The following GABRG3 variants were observed in gnomAD, a reference collection of about 807,000 sequenced individuals.
GABRG3 encodes gamma-aminobutyric acid type A receptor subunit gamma3, also known as gamma-aminobutyric acid receptor subunit gamma-3.
GABRG3 carries 25 observed loss-of-function variants against 48.8 expected under a neutral mutation model. The ratio of observed to expected loss-of-function variants is 0.51; its 90% CI spans 0.37 to 0.72. The LOEUF is 0.72. Ranked by LOEUF, GABRG3 falls within the 30% of genes least tolerant of loss-of-function variation. The probability of loss-of-function intolerance (pLI) is 0.00; values close to 1 mark genes in which losing one functional copy is unlikely to be tolerated. For synonymous variants in GABRG3, 227 were observed against 217.6 expected, an observed-to-expected ratio of 1.04 and a Z score of -0.38; for missense variants, 394 against 577.9, an observed-to-expected ratio of 0.68 and a Z score of 3.26.
chr15:27,272,690 G>A (rs1029929666), intron 3 of GABRG3, among the ~76,000 whole-genome samples: 28 of 152,284 alleles, frequency 1.8e-4, no homozygotes, highest in African/African-American at 6.3e-4. Context: ...ACTGGTGGGG[G>A]TGTGCTTTGC....
In GABRG3 at chr15:27,037,805, C is replaced by T. The variant is rs1278825826; in HGVS notation, c.270+10984C>T. 2.6e-5 allele frequency among the ~76,000 whole-genome samples: 4 copies of T among 152,248 alleles called. No homozygotes were observed. In the East Asian group the frequency reaches 7.7e-4, roughly 29 times the overall value. On this transcript the variant is annotated intron_variant, in intron 3 of 9. Coordinates refer to ENST00000615808, the MANE Select transcript of GABRG3 (RefSeq NM_033223.5). ...TGGTAGTTAGAAGAGAAGTGATTTC[C>T]TTGAAATGAAGGAGTCTAGAAAGGG...
intron 3 of GABRG3, among the ~76,000 whole-genome samples, chr15:27,247,794 A>T (rs930841899): frequency 6.6e-6 from 1 of 152,236 alleles, no homozygotes; most frequent in Non-Finnish European, 1.5e-5. Flanking sequence ...GTAAAACAAG[A>T]TTCCCCTTAT....
chr15:27,120,144 C>A (rs1768268131), intron 3 of GABRG3, among the ~76,000 whole-genome samples: 1 of 152,140 alleles, frequency 6.6e-6, no homozygotes, highest in Non-Finnish European at 1.5e-5. Flanking sequence ...ATTAAAACTC[C>A]ATGTGTCCCC....
At chr15:27,281,121 T>A (rs1251222534) in intron 3 of GABRG3, among the ~76,000 whole-genome samples, 1 of 152,196 alleles carries the variant, frequency 6.6e-6, no homozygotes, top group Non-Finnish European at 1.5e-5. Context: ...CTACTTTATC[T>A]TATGCTTTTC....
chr15:27,276,879 G>A (rs572433237), intron 3 of GABRG3, among the ~76,000 whole-genome samples: 1 of 152,024 alleles, frequency 6.6e-6, no homozygotes, highest in African/African-American at 2.4e-5. Context: ...GGGATCACAT[G>A]TTTTATGAGG....
At chr15:27,473,838 G>A (rs1287887337) in intron 5 of GABRG3, among the ~76,000 whole-genome samples, 3 of 152,204 alleles carry the variant, frequency 2.0e-5, no homozygotes, top group Non-Finnish European at 4.4e-5. Context: ...GTTAAAAACA[G>A]TATCCCTTCA....
At chr15:27,450,085 C>T (rs1889063007) in intron 5 of GABRG3, among the ~76,000 whole-genome samples, 1 of 152,156 alleles carries the variant, frequency 6.6e-6, no homozygotes, top group East Asian at 1.9e-4. Context: ...AGAGAAACTG[C>T]CCGCTCCACA....
intron 3 of GABRG3, among the ~76,000 whole-genome samples, chr15:27,241,783 C>T (rs892570569): frequency 4.6e-5 from 7 of 152,188 alleles, no homozygotes; most frequent in South Asian, 2.1e-4. Flanking sequence ...TTTCTTCTCA[C>T]GCTATGTCTC....
chr15:27,102,585 T>G (rs8036123), intron 3 of GABRG3, among the ~76,000 whole-genome samples: 39,589 of 152,074 alleles, frequency 0.26, 6,016 homozygotes, highest in African/African-American at 0.41. Flanking sequence ...TAAAGTCTAT[T>G]TGGTAAGTGT....
chr15:27,518,195 CAAAAAA>C (rs58222645), intron 6 of GABRG3, among the ~76,000 whole-genome samples: 4,203 of 88,086 alleles, frequency 0.048, 238 homozygotes, highest in African/African-American at 0.17. Flanking sequence ...ACTAAAAATA[CAAAAAA>C]AAAAAAAAAA....
At chr15:27,407,108 G>GT (rs1887660275) in intron 5 of GABRG3, among the ~76,000 whole-genome samples, 1 of 152,080 alleles carries the variant, frequency 6.6e-6, no homozygotes, top group Admixed American at 6.6e-5. Context: ...TGTAGTTTTA[G>GT]TAGGGACAGG....
At chr15:27,441,903 A>C (rs2140633485) in intron 5 of GABRG3, among the ~76,000 whole-genome samples, 1 of 152,284 alleles carries the variant, frequency 6.6e-6, no homozygotes, top group South Asian at 2.1e-4. Flanking sequence ...CTTCAGGATT[A>C]CTCGCACCAG....
At chr15:27,211,173 C>CA (rs745486495) in intron 3 of GABRG3, among the ~76,000 whole-genome samples, 1 of 152,164 alleles carries the variant, frequency 6.6e-6, no homozygotes, top group Non-Finnish European at 1.5e-5. Flanking sequence ...TCCTGGATCC[C>CA]ACCCAAGGCC....
In GABRG3 at chr15:27,520,769, TAA is replaced by T. The variant is rs909732318; in HGVS notation, c.865+646_865+647del. Among the ~76,000 whole-genome samples, 109 of 151,112 alleles carry T rather than the reference TAA, an allele frequency of 7.2e-4. 1 individual carries two copies. Among genetic ancestry groups the T allele is most frequent in the African/African-American group, 2.6e-3 (108 of 40,940 alleles). On this transcript the variant is annotated intron_variant, in intron 7 of 9. Transcript: ENST00000615808. Reference sequence around the variant, plus strand: ...TGATTTTTTGAAGGCAGGTAATATATAAGACTGAATATAGAGATTGTTTTCCC... The same window carrying T: ...TGATTTTTTGAAGGCAGGTAATATATGACTGAATATAGAGATTGTTTTCCC...
intron 6 of GABRG3, among the ~76,000 whole-genome samples, chr15:27,485,451 T>C (rs1890198741): frequency 6.6e-6 from 1 of 152,002 alleles, no homozygotes; most frequent in South Asian, 2.1e-4. Context: ...ATCACTGAGG[T>C]TGCACCAGGA....
At chr15:27,305,250 A>G (rs1178284632) in intron 3 of GABRG3, among the ~76,000 whole-genome samples, 1 of 151,720 alleles carries the variant, frequency 6.6e-6, no homozygotes, top group African/African-American at 2.4e-5. Context: ...GAAAACAGAA[A>G]AATTTTAAAA....
intron 6 of GABRG3, among the ~76,000 whole-genome samples, chr15:27,486,808 T>C (rs1005989625): frequency 2.6e-5 from 4 of 152,210 alleles, no homozygotes. Context: ...ATTGACTCAA[T>C]GTAGTTCCCG....
intron 3 of GABRG3, among the ~76,000 whole-genome samples, chr15:27,309,457 T>C (rs1356459042): frequency 6.6e-6 from 1 of 151,898 alleles, no homozygotes; most frequent in African/African-American, 2.4e-5. Flanking sequence ...GACATCTACA[T>C]ATAAAAAATG....
chr15:27,028,389 G>T (rs1346133794), intron 3 of GABRG3, among the ~76,000 whole-genome samples: 1 of 152,146 alleles, frequency 6.6e-6, no homozygotes, highest in Non-Finnish European at 1.5e-5. Flanking sequence ...TGTGACCAAG[G>T]CCCTGAAGCT....
Sources: allele counts gnomAD v4.1 joint callset (sites outside exome capture counted in the v4.1 genomes callset), GRCh38; gene constraint gnomAD v4.1.1; transcripts MANE v1.5; gene names NCBI Gene and HGNC (gene_info 2026-07-23, HGNC 2026-07-21).